CCDC163: variants seen among roughly 807,000 people sequenced by gnomAD.
CCDC163 encodes the protein transmembrane protein CCDC163.
CCDC163 carries 13 observed loss-of-function variants against 8.2 expected under a neutral mutation model. That is an observed-to-expected ratio of 1.59 (90% CI 1.04 to 2.54). The LOEUF is 2.54. CCDC163 is among the 30% of genes most tolerant of loss of function. CCDC163 has a pLI of 0.00. For missense variants in CCDC163, 117 were observed against 78.6 expected, an observed-to-expected ratio of 1.49 and a Z score of -1.85; for synonymous variants, 41 against 30.9, an observed-to-expected ratio of 1.33 and a Z score of -1.08.
chr1:45,498,468 C>T (rs948592112), intron 2 of CCDC163: 1 of 151,440 alleles, frequency 6.6e-6, no homozygotes, highest in African/African-American at 2.5e-5. Context: ...TGAGGAAGGC[C>T]ATTGGTAGTA....
chr1:45,499,528 T>A lies in CCDC163; in HGVS notation c.78+4A>T, dbSNP rs1245132247. The A allele has an allele frequency of 1.3e-6, 1 of 778,854 alleles. No homozygotes were observed. The highest frequency in any genetic ancestry group is 1.7e-5 in the African/African-American group (1 of 59,062). The allele number at this position is 778,854 out of a possible 1,614,324, so 48.2% of individuals were successfully genotyped here. A position where few individuals can be genotyped will look rare whatever the true frequency, so the allele number is the denominator to read the frequency against. On this transcript the variant is annotated splice_donor_region_variant and intron_variant, in intron 1 of 4. Transcript: ENST00000629482. ...CAAACTGGGGACCTCCACCAACCCC[T>A]CACCTTATTCCGGACCACATTTCCA...
In CCDC163 at chr1:45,497,312, C is replaced by A. The variant is rs762885355; in HGVS notation, c.249G>T (p.Leu83=). Residue 83 remains leucine (L), a synonymous_variant, in exon 3 of 5, where the codon CTG becomes CTT. Transcript: ENST00000629482. ...SEIMQKELKL[L]QYQLSQHQEL... ...CCTTTTACTTACTCAACTGGTACTG[C>A]AGCAACTTCAATTCCTTCTGCATAA... 18 of 779,968 alleles carry A rather than the reference C, an allele frequency of 2.3e-5. No homozygotes were observed. Among genetic ancestry groups the A allele is most frequent in the Non-Finnish European group, 4.3e-5 (18 of 417,448 alleles). 48.3% of individuals were successfully genotyped at this position (779,968 alleles called of 1,614,324 possible).
chr1:45,499,222 T>C, intron 2 of CCDC163, 123 bp downstream of exon 2: 1 of 697,428 alleles, frequency 1.4e-6, no homozygotes, highest in South Asian at 1.6e-5. Flanking sequence ...GCAGGGTCTG[T>C]GTGGGGAAAC....
At chr1:45,498,001 T>C (rs914235443) in intron 2 of CCDC163, among the ~76,000 whole-genome samples, 10 of 149,034 alleles carry the variant, frequency 6.7e-5, no homozygotes, top group African/African-American at 2.5e-4. Context: ...TAGAAAGAAG[T>C]AGACATGGGA....
chr1:45,497,724 C>CG, intron 2 of CCDC163, among the ~76,000 whole-genome samples: 1 of 31,220 alleles, frequency 3.2e-5, no homozygotes, highest in African/African-American at 1.4e-4. Context: ...GTCAGCCCCC[C>CG]GCCAGGCCAG....
chr1:45,495,960 T>C (rs1449340729), intron 4 of CCDC163, among the ~76,000 whole-genome samples: 2 of 151,926 alleles, frequency 1.3e-5, no homozygotes, highest in Non-Finnish European at 1.5e-5. Context: ...GCCCTGCCAA[T>C]CTCTCCTCCC....
chr1:45,497,788 C>G, intron 2 of CCDC163, among the ~76,000 whole-genome samples: 1 of 142,404 alleles, frequency 7.0e-6, no homozygotes, highest in Admixed American at 7.0e-5. Context: ...GGCCAGCCAC[C>G]CCATCCGGGA....
intron 4 of CCDC163, chr1:45,495,655 CTTTTTTTTTT>C (rs71052890): frequency 4.6e-4 from 218 of 468,868 alleles, no homozygotes; most frequent in East Asian, 6.0e-4. Flanking sequence ...TCTCCTCCCT[CTTTTTTTTTT>C]TTTTTTTTTT....
rs755309878 is a variant in CCDC163 at position 45,499,341 on chromosome 1, T to C, written c.177+4A>G. On this transcript the variant is annotated splice_donor_region_variant and intron_variant, in intron 2 of 4. Coordinates refer to ENST00000629482, the MANE Select transcript of CCDC163 (RefSeq NM_001102601.3). ...GCTTGGAAGTAGAAAGAGACATTACTTACCTGCGGTGGAGACCCCAAGAAG... is the reference window on the plus strand; with the variant it reads ...GCTTGGAAGTAGAAAGAGACATTACCTACCTGCGGTGGAGACCCCAAGAAG... 2 of 773,416 alleles carry C rather than the reference T, an allele frequency of 2.6e-6. No individual in the cohort carries two copies. Among genetic ancestry groups the C allele is most frequent in the African/African-American group, 3.4e-5 (2 of 58,894 alleles). 47.9% of individuals were successfully genotyped at this position (773,416 alleles called of 1,614,324 possible). A position where few individuals can be genotyped will look rare whatever the true frequency, so the allele number is the denominator to read the frequency against.
In CCDC163 at chr1:45,499,847, C is replaced by G; in HGVS notation, c.-238G>C. ...GGAAAAGCGGGATACCGTGATGATACGCAGATATCAGGTGGGGATTGAAGG... is the reference window on the plus strand; with the variant it reads ...GGAAAAGCGGGATACCGTGATGATAGGCAGATATCAGGTGGGGATTGAAGG... On this transcript the variant is annotated 5_prime_UTR_variant, in exon 1 of 5. Transcript: ENST00000629482. 1 of 561,270 alleles carries G rather than the reference C, an allele frequency of 1.8e-6. No homozygotes were observed. The highest frequency in any genetic ancestry group is 3.1e-5 in the East Asian group (1 of 32,210). The allele number at this position is 561,270 out of a possible 1,614,324, so 34.8% of individuals were successfully genotyped here. A position where few individuals can be genotyped will look rare whatever the true frequency, so the allele number is the denominator to read the frequency against.
chr1:45,497,896 G>A (rs2149317899), intron 2 of CCDC163, among the ~76,000 whole-genome samples: 1 of 146,970 alleles, frequency 6.8e-6, no homozygotes, highest in South Asian at 2.2e-4. Context: ...ACAGCTCATT[G>A]AGAACGGGCC....
At chr1:45,496,408 GGAGA>G (rs141975850) in intron 4 of CCDC163, 144 bp downstream of exon 4, 9 of 698,178 alleles carry the variant, frequency 1.3e-5, no homozygotes, top group African/African-American at 8.7e-5. Flanking sequence ...GAAGAGCTCT[GGAGA>G]GAGAGAGAGT....
In CCDC163 at chr1:45,499,721, G is replaced by C. The variant is rs1325218423; in HGVS notation, c.-112C>G. On this transcript the variant is annotated 5_prime_UTR_variant, in exon 1 of 5. Coordinates refer to ENST00000629482, the MANE Select transcript of CCDC163 (RefSeq NM_001102601.3). The stretch of plus-strand genomic sequence containing the variant: ...GAAAGGCCACCACGTTAGATGGAAA[G>C]AGGGAAGTGGGGATGCAACACTGGG... 1 of 662,792 alleles carries C rather than the reference G, an allele frequency of 1.5e-6. No individual in the cohort carries two copies. The highest frequency in any genetic ancestry group is 2.8e-6 in the Non-Finnish European group (1 of 361,584). 41.1% of individuals were successfully genotyped at this position (662,792 alleles called of 1,614,324 possible).
rs372464950 is a variant in CCDC163, at chr1:45,495,160, T to C, written c.337A>G (p.Arg113Gly). 1.3e-6 allele frequency: 1 copy of C among 780,824 alleles called. No individual in the cohort carries two copies. Among genetic ancestry groups the C allele is most frequent in the African/African-American group, 1.7e-5 (1 of 59,222 alleles). The allele number at this position is 780,824 out of a possible 1,614,324, so 48.4% of individuals were successfully genotyped here. The part of the protein sequence containing the change: ...QAQVGSWKIP[R>G]GAPFLTWSPA... ...CTCCAGGTTAGAAAGGGTGCTCCTC[T>C]GGGGATCTAAGAGGAAAGAAAAGGG... is the stretch of plus-strand genomic sequence containing the variant. Residue 113 changes from arginine to glycine, a missense_variant, in exon 5 of 5, where the codon AGA (arginine) becomes GGA (glycine). Physicochemically the swap from Arg to Gly is moderately radical, Grantham distance 125. Transcript: ENST00000629482.
chr1:45,496,563 C>G lies in CCDC163; in HGVS notation c.323G>C (p.Ser108Thr). ...LAEGRQAQVG[S>T]WKIPRGAPFL... ...GTCTGAACCTAGTCCTACCTTCCAA[C>G]TGCCAACCTGAGCCTGTCGTCCCTC... Residue 108 changes from serine to threonine, a missense_variant, in exon 4 of 5, where the codon AGT (serine) becomes ACT (threonine). Transcript: ENST00000629482. 1 of 780,636 alleles carries G rather than the reference C, an allele frequency of 1.3e-6. No individual in the cohort carries two copies. Among genetic ancestry groups the G allele is most frequent in the Non-Finnish European group, 2.4e-6 (1 of 417,908 alleles). The allele number at this position is 780,636 out of a possible 1,614,324, so 48.4% of individuals were successfully genotyped here.
intron 4 of CCDC163, 74 bp from the exon 5 acceptor site, chr1:45,495,240 G>T (rs984585625): frequency 1.9e-5 from 15 of 773,924 alleles, no homozygotes; most frequent in Non-Finnish European, 3.1e-5. Context: ...TAGGCCCTAG[G>T]CCTTTCTAAT....
chr1:45,496,334 C>A, intron 4 of CCDC163: 1 of 650,510 alleles, frequency 1.5e-6, no homozygotes, highest in South Asian at 1.6e-5. Flanking sequence ...TCCTCTTCAG[C>A]ACACTTGGAA....
chr1:45,496,389 G>A, intron 4 of CCDC163, 167 bp downstream of exon 4: 1 of 697,576 alleles, frequency 1.4e-6, no homozygotes, highest in South Asian at 1.5e-5. Flanking sequence ...GGAGCAGAAA[G>A]GTTAGAAAGA....
chr1:45,496,887 G>A (rs967588007), intron 3 of CCDC163, among the ~76,000 whole-genome samples: 2 of 152,230 alleles, frequency 1.3e-5, no homozygotes, highest in Non-Finnish European at 2.9e-5. Context: ...CAGGCCAGGC[G>A]CAGTGGCTCA....
Sources: gnomAD v4.1 joint callset for allele counts (sites outside exome capture counted in the v4.1 genomes callset) on GRCh38, gnomAD v4.1.1 for gene constraint, MANE v1.5 for transcripts, NCBI Gene and HGNC (gene_info 2026-07-23, HGNC 2026-07-21) for gene names.